The following NLRP5 variants were observed in gnomAD, a reference collection of about 807,000 sequenced individuals.
NLRP5 encodes NLR family pyrin domain containing 5.
Under a neutral mutation model 113.1 loss-of-function variants are expected in NLRP5, and 93 were observed. The ratio of observed to expected loss-of-function variants is 0.82; its 90% CI spans 0.70 to 0.98. The LOEUF is 0.98. Among genes scored for constraint, NLRP5 ranks in the 50% least tolerant of loss-of-function variants. NLRP5 has a pLI of 0.00. For synonymous variants in NLRP5, 751 were observed against 600.7 expected, an observed-to-expected ratio of 1.25 and a Z score of -3.66; for missense variants, 1,808 against 1,514.3, an observed-to-expected ratio of 1.19 and a Z score of -3.22.
chr19:55,998,688 A>ACG (rs1981439081), upstream of NLRP5, among the ~76,000 whole-genome samples: 7 of 50,294 alleles, frequency 1.4e-4, no homozygotes, highest in African/African-American at 6.9e-4. Flanking sequence ...ATATATATAT[A>ACG]TATATATATA....
intron 2 of NLRP5, 132 bp downstream of exon 2, chr19:56,004,227 CTAT>C: frequency 1.0e-6 from 1 of 958,166 alleles, no homozygotes; most frequent in South Asian, 1.7e-5. Flanking sequence ...GAGAAGGATC[CTAT>C]TGGTCATCGT....
At chr19:56,060,591 G>A (rs921720957) in intron 14 of NLRP5, among the ~76,000 whole-genome samples, 5 of 152,030 alleles carry the variant, frequency 3.3e-5, no homozygotes, top group East Asian at 1.9e-4. Context: ...AACACGACCC[G>A]GCACAGAGAC....
intron 3 of NLRP5, among the ~76,000 whole-genome samples, chr19:56,010,170 T>G (rs628370): frequency 0.93 from 141,790 of 152,188 alleles, 66,126 homozygotes; most frequent in East Asian, 0.96. Context: ...TTGAGACCAC[T>G]TGGATCACGC....
At chr19:56,008,714 G>A (rs1982050364) in intron 2 of NLRP5, 74 bp from the exon 3 acceptor site, 1 of 1,321,670 alleles carries the variant, frequency 7.6e-7, no homozygotes, top group African/African-American at 1.5e-5. Context: ...TTGGACACGG[G>A]ACATTCTTAT....
At chr19:56,043,379 G>A (rs542235308) in intron 11 of NLRP5, among the ~76,000 whole-genome samples, 20 of 151,756 alleles carry the variant, frequency 1.3e-4, no homozygotes, top group Non-Finnish European at 2.6e-4. Flanking sequence ...TTTTTCATAC[G>A]TTTGTTGGCC....
chr19:56,001,697 G>A (rs1340753189), intron 1 of NLRP5, among the ~76,000 whole-genome samples: 3 of 152,156 alleles, frequency 2.0e-5, no homozygotes, highest in Non-Finnish European at 4.4e-5. Flanking sequence ...GATGCTTCCA[G>A]TTCCAGGGAG....
chr19:56,016,501 T>C (rs1214264032), intron 4 of NLRP5, among the ~76,000 whole-genome samples: 1 of 152,208 alleles, frequency 6.6e-6, no homozygotes, highest in Non-Finnish European at 1.5e-5. Flanking sequence ...AAATAGACTT[T>C]GTTATTAACC....
chr19:56,028,828 G>A (rs772247094), intron 7 of NLRP5, among the ~76,000 whole-genome samples: 15 of 152,072 alleles, frequency 9.9e-5, no homozygotes, highest in South Asian at 4.2e-4. Flanking sequence ...GTAGTGGCAC[G>A]ATCTCGGCTC....
intron 4 of NLRP5, among the ~76,000 whole-genome samples, chr19:56,018,056 T>C (rs1982475657): frequency 6.6e-6 from 1 of 152,194 alleles, no homozygotes; most frequent in Non-Finnish European, 1.5e-5. Context: ...CCATCTTCTG[T>C]ATTTCTGTGG....
intron 3 of NLRP5, among the ~76,000 whole-genome samples, chr19:56,013,985 T>C (rs1599883144): frequency 6.6e-6 from 1 of 152,310 alleles, no homozygotes. Flanking sequence ...TGGTCCTTTT[T>C]TAACTTCATT....
chr19:56,024,551 GTGTATATA>G (rs1300713826), intron 6 of NLRP5, among the ~76,000 whole-genome samples: 1 of 144,524 alleles, frequency 6.9e-6, no homozygotes, highest in African/African-American at 2.5e-5. Flanking sequence ...GTATGTATAT[GTGTATATA>G]TGTATATATA....
chr19:55,998,089 G>A (rs1013608784), upstream of NLRP5, among the ~76,000 whole-genome samples: 1 of 152,112 alleles, frequency 6.6e-6, no homozygotes, highest in East Asian at 1.9e-4. Context: ...CTGGAGGGTA[G>A]GTAGGTTAAT....
Position 56,003,967 on chromosome 19 carries a change from A to G in NLRP5, c.314A>G (p.Asn105Ser), listed in dbSNP as rs1242437556. ...CCACAGTTTGAAATCGAGAATGCCAACGTGGAATGTCTGGCACTCCTCTTG... is the reference window on the plus strand; with the variant it reads ...CCACAGTTTGAAATCGAGAATGCCAGCGTGGAATGTCTGGCACTCCTCTTG... Residue 105 changes from asparagine to serine, a missense_variant, in exon 2 of 15, where the codon AAC becomes AGC. Transcript: ENST00000390649. 12 of 1,613,896 alleles carry G rather than the reference A, an allele frequency of 7.4e-6. No individual in the cohort carries two copies. Among genetic ancestry groups the G allele is most frequent in the South Asian group, 1.1e-5 (1 of 91,088 alleles).
intron 3 of NLRP5, among the ~76,000 whole-genome samples, chr19:56,010,225 C>T (rs1309137000): frequency 6.6e-6 from 1 of 152,194 alleles, no homozygotes; most frequent in Non-Finnish European, 1.5e-5. Flanking sequence ...CTCTGTGGTA[C>T]TGGCTGTCGT....
chr19:56,002,614 C>G (rs993180145), intron 1 of NLRP5, among the ~76,000 whole-genome samples: 7 of 149,734 alleles, frequency 4.7e-5, no homozygotes, highest in African/African-American at 7.5e-5. Context: ...ATCGCTCCCC[C>G]CTCCCCCAAC....
chr19:56,003,087 C>G (rs1013198022), intron 1 of NLRP5, among the ~76,000 whole-genome samples: 3 of 151,074 alleles, frequency 2.0e-5, no homozygotes, highest in Non-Finnish European at 4.4e-5. Context: ...ACCATTTGAC[C>G]CAGCCATCCC....
At chr19:56,007,886 TGTGCGCGTGCGCGCGTGC>T in intron 2 of NLRP5, among the ~76,000 whole-genome samples, 2 of 89,932 alleles carry the variant, frequency 2.2e-5, no homozygotes, top group African/African-American at 7.6e-5. Flanking sequence ...TGTGTGTGTG[TGTGCGCGTGCGCGCGTGC>T]GTGTGTGTGT....
chr19:55,997,351 T>TTTTC (rs545611921), upstream of NLRP5, among the ~76,000 whole-genome samples: 215 of 152,306 alleles, frequency 1.4e-3, no homozygotes, highest in African/African-American at 4.4e-3. Context: ...TTAGATTTGG[T>TTTTC]TACCTAGAAT....
chr19:56,011,043 T>G (rs1982168430), intron 3 of NLRP5, among the ~76,000 whole-genome samples: 1 of 151,736 alleles, frequency 6.6e-6, no homozygotes, highest in African/African-American at 2.4e-5. Flanking sequence ...TCCCAGCTAC[T>G]TGGGAAGCTG....
Sources: gnomAD v4.1 joint callset for allele counts (sites outside exome capture counted in the v4.1 genomes callset) on GRCh38, gnomAD v4.1.1 for gene constraint, MANE v1.5 for transcripts, NCBI Gene and HGNC (gene_info 2026-07-23, HGNC 2026-07-21) for gene names.